Variants in FAT3 observed in about 807,000 individuals in gnomAD.
The protein encoded by FAT3 is protocadherin Fat 3.
In FAT3, 95 loss-of-function variants were observed where a neutral mutation model predicts 310.2. That is an observed-to-expected ratio of 0.31 (90% CI 0.26 to 0.36). The LOEUF is 0.36. Ranked by LOEUF, FAT3 falls within the 10% of genes least tolerant of loss-of-function variation. The pLI, the probability that FAT3 is intolerant of heterozygous loss-of-function variation, is 1.00. For missense variants in FAT3, 5,408 were observed against 5,715.6 expected, an observed-to-expected ratio of 0.95 and a Z score of 1.74; for synonymous variants, 2,314 against 2,192.9, an observed-to-expected ratio of 1.06 and a Z score of -1.54.
At chr11:92,755,039 G>A (rs11020046) in intron 4 of FAT3, among the ~76,000 whole-genome samples, 37,861 of 152,016 alleles carry the variant, frequency 0.25, 5,868 homozygotes, top group African/African-American at 0.44. Flanking sequence ...ATAGAATAGT[G>A]GTTACTAGAG....
rs71064714 is a variant in FAT3 at position 92,486,130 on chromosome 11, G to GTTTTTTTTTTTT, written c.3293-38487_3293-38476dup. 4.3e-3 allele frequency among the ~76,000 whole-genome samples: 158 copies of GTTTTTTTTTTTT among 37,134 alleles called. 18 individuals are homozygous for GTTTTTTTTTTTT. The highest frequency in any genetic ancestry group is 4.9e-3 in the Non-Finnish European group (102 of 20,934). 24.4% of individuals were successfully genotyped at this position (37,134 alleles called of 152,430 possible). ...GTGAAATAGAGGAGAGGCTGCTGGGGTTTTTTTTTTTTTTTTTTTTTTTTT... is the reference window on the plus strand; with the variant it reads ...GTGAAATAGAGGAGAGGCTGCTGGGGTTTTTTTTTTTTTTTTTTTTTTTTTTTTTTTTTTTTT... On this transcript the variant is annotated intron_variant, in intron 2 of 27. Coordinates refer to ENST00000525166, the MANE Select transcript of FAT3 (RefSeq NM_001367949.2).
intron 2 of FAT3, among the ~76,000 whole-genome samples, chr11:92,376,386 G>C (rs969268309): frequency 5.9e-5 from 9 of 152,196 alleles, no homozygotes; most frequent in Non-Finnish European, 2.9e-5. Flanking sequence ...TTCAGACAGA[G>C]GGAAATAACA....
rs1279321424 is a variant in FAT3, at chr11:92,353,104, A to G, written c.992A>G (p.Gln331Arg). Residue 331 changes from glutamine (Q) to arginine (R), a missense_variant, in exon 2 of 28, where the codon CAG becomes CGG. Gln to Arg is a conservative substitution (Grantham distance 43). Coordinates refer to ENST00000525166, the MANE Select transcript of FAT3 (RefSeq NM_001367949.2). ...GAGTACAAGATTAAGGAGAGGAAGC[A>G]GATTGACTGGGAGAGCTTTCCCTAT... ...LNEYKIKERKQIDWESFPYGY... is the reference protein window; with the variant it reads ...LNEYKIKERKRIDWESFPYGY... 6.2e-7 allele frequency: 1 copy of G among 1,613,638 alleles called. No homozygotes were observed. The highest frequency in any genetic ancestry group is 1.3e-5 in the African/African-American group (1 of 74,906).
chr11:92,844,809 G>A, intron 19 of FAT3, 77 bp downstream of exon 19: 8 of 1,377,942 alleles, frequency 5.8e-6, no homozygotes, highest in Non-Finnish European at 4.8e-6. Flanking sequence ...CAGCATGCCT[G>A]CATTCAATCA....
At position 92,883,631 on chromosome 11, in the gene FAT3, A is replaced by G. The variant is rs1949728799; in HGVS notation, c.12937+238A>G. The stretch of plus-strand genomic sequence containing the variant: ...ATCATGAGCCCAAGGTGAGGCAGCT[A>G]GTAAGAGGCAGTCAGTACCCCAACT... On this transcript the variant is annotated intron_variant, in intron 24 of 27. Transcript: ENST00000525166. The surrounding 1 kb of genome is among the most constrained non-coding windows in gnomAD (Gnocchi z 4.2). 6.6e-6 allele frequency among the ~76,000 whole-genome samples: 1 copy of G among 152,210 alleles called. No individual in the cohort carries two copies. Among genetic ancestry groups the G allele is most frequent in the East Asian group, 1.9e-4 (1 of 5,186 alleles).
At position 92,553,671 on chromosome 11, in the gene FAT3, CCGTCCCTTCCTTCCTTCCTTCCTT is replaced by C. The variant is rs1408255845; in HGVS notation, c.3607+28725_3607+28748del. On this transcript the variant is annotated intron_variant, in intron 3 of 27. Coordinates refer to ENST00000525166, the MANE Select transcript of FAT3 (RefSeq NM_001367949.2). Reference sequence around the variant, plus strand: ...ATTGTAGACATAAATTCTAGAATCTCCGTCCCTTCCTTCCTTCCTTCCTTCCTTCCTTCCTTCCTTCCTTCCTTC... The same window carrying C: ...ATTGTAGACATAAATTCTAGAATCTCCCTTCCTTCCTTCCTTCCTTCCTTC... Among the ~76,000 whole-genome samples the C allele has an allele frequency of 6.1e-3, 660 of 108,926 alleles. 8 individuals carry two copies. The highest frequency in any genetic ancestry group is 0.02 in the African/African-American group (507 of 25,990). The allele number at this position is 108,926 out of a possible 152,430, so 71.5% of individuals were successfully genotyped here. A position where few individuals can be genotyped will look rare whatever the true frequency, so the allele number is the denominator to read the frequency against.
At chr11:92,433,325 C>A (rs1431312335) in intron 2 of FAT3, among the ~76,000 whole-genome samples, 1 of 152,110 alleles carries the variant, frequency 6.6e-6, no homozygotes, top group Admixed American at 6.5e-5. Context: ...CCCAAATGGC[C>A]GCCCAGCTTT....
At position 92,800,462 on chromosome 11, in the gene FAT3, T is replaced by C; in HGVS notation, c.7449T>C (p.His2483=). 1.2e-6 allele frequency: 2 copies of C among 1,613,944 alleles called. No individual in the cohort carries two copies. The highest frequency in any genetic ancestry group is 1.7e-6 in the Non-Finnish European group (2 of 1,179,870). The change falls in exon 10 of 28, where the codon CAT becomes CAC. Residue 2483 remains histidine, a synonymous_variant. Transcript: ENST00000525166. ...TGTTCACCAGCACTGCACAGGTGCA[T>C]ATTAGGGTACTTGGGGCTAACTTGT... ...DGLFTSTAQV[H]IRVLGANLYS... is the part of the protein sequence containing the mutation.
intron 3 of FAT3, among the ~76,000 whole-genome samples, chr11:92,685,872 C>T (rs933170359): frequency 2.0e-5 from 3 of 152,156 alleles, no homozygotes; most frequent in African/African-American, 4.8e-5. Flanking sequence ...AGGGAAAATA[C>T]AAGGCTTCTT....
Position 92,890,709 on chromosome 11 carries a change from C to G in FAT3, c.13366C>G (p.Pro4456Ala). 6.2e-7 allele frequency: 1 copy of G among 1,613,616 alleles called. No individual in the cohort carries two copies. The highest frequency in any genetic ancestry group is 8.5e-7 in the Non-Finnish European group (1 of 1,179,800). The part of the protein sequence containing the change: ...LSQDQLPPPL[P>A]EDFPDQYEAL... ...TCAGGACCAGCTGCCTCCTCCTCTC[C>G]CGGAGGACTTCCCAGACCAATATGA... The change falls in exon 28 of 28, where the codon CCG becomes GCG. Residue 4456 changes from proline (P) to alanine (A), a missense_variant. Physicochemically the swap from Pro to Ala is conservative, Grantham distance 27. Coordinates refer to ENST00000525166, the MANE Select transcript of FAT3 (RefSeq NM_001367949.2).
At chr11:92,457,534 C>G (rs1490412464) in intron 2 of FAT3, among the ~76,000 whole-genome samples, 3 of 152,010 alleles carry the variant, frequency 2.0e-5, no homozygotes, top group Non-Finnish European at 4.4e-5. Context: ...TAGTCGATAT[C>G]CTGGCTTAAA....
At chr11:92,709,668 G>T (rs1279019099) in intron 4 of FAT3, among the ~76,000 whole-genome samples, 1 of 152,172 alleles carries the variant, frequency 6.6e-6, no homozygotes, top group Non-Finnish European at 1.5e-5. Flanking sequence ...TCCATGCTTT[G>T]CAGGATATAG....
intron 7 of FAT3, among the ~76,000 whole-genome samples, chr11:92,775,525 C>T (rs1946576605): frequency 6.6e-6 from 1 of 152,114 alleles, no homozygotes; most frequent in Non-Finnish European, 1.5e-5. Flanking sequence ...AATTTCTGAT[C>T]CTCCAACCTG....
intron 2 of FAT3, among the ~76,000 whole-genome samples, chr11:92,507,689 TACATATACATGTATATATACA>T (rs201989317): frequency 1.3e-5 from 2 of 148,362 alleles, no homozygotes; most frequent in East Asian, 3.9e-4. Context: ...CACACATGTG[TACATATACATGTATATATACA>T]ACATATACAT....
At chr11:92,447,645 T>C (rs1158924687) in intron 2 of FAT3, among the ~76,000 whole-genome samples, 1 of 152,016 alleles carries the variant, frequency 6.6e-6, no homozygotes, top group Non-Finnish European at 1.5e-5. Flanking sequence ...CTGGTCTTAC[T>C]TAGAAGCGCT....
At chr11:92,771,833 A>G (rs2070538723) in intron 6 of FAT3, among the ~76,000 whole-genome samples, 1 of 151,764 alleles carries the variant, frequency 6.6e-6, no homozygotes, top group South Asian at 2.1e-4. Flanking sequence ...AAAAGCACAC[A>G]CTCTATATGC....
chr11:92,581,654 A>AG (rs556386497), intron 3 of FAT3, among the ~76,000 whole-genome samples: 35 of 151,726 alleles, frequency 2.3e-4, no homozygotes, highest in South Asian at 8.4e-4. Flanking sequence ...AGGTCTGCCA[A>AG]GGGGGGGGAT....
At chr11:92,252,008 A>G (rs1865160225) in intron 1 of FAT3, among the ~76,000 whole-genome samples, 1 of 152,132 alleles carries the variant, frequency 6.6e-6, no homozygotes, top group Non-Finnish European at 1.5e-5. Context: ...ACACAAGCCA[A>G]CTTTTGGTTA....
chr11:92,519,696 C>G (rs1414897536), intron 2 of FAT3, among the ~76,000 whole-genome samples: 1 of 151,930 alleles, frequency 6.6e-6, no homozygotes, highest in Non-Finnish European at 1.5e-5. Context: ...TAAAAATAGG[C>G]AAAACATTTG....
Sources: gnomAD v4.1 joint callset for allele counts (sites outside exome capture counted in the v4.1 genomes callset) on GRCh38, gnomAD v4.1.1 for gene constraint, Gnocchi (gnomAD v3.1) non-coding constraint, MANE v1.5 for transcripts, NCBI Gene and HGNC (gene_info 2026-07-23, HGNC 2026-07-21) for gene names.